CXCL12: variants seen among roughly 807,000 people sequenced by gnomAD.
CXCL12 encodes the protein stromal cell-derived factor 1.
In CXCL12, 4 loss-of-function variants were observed where a neutral mutation model predicts 10.7. The ratio of observed to expected loss-of-function variants is 0.37; its 90% CI spans 0.18 to 0.86. The LOEUF is 0.86. CXCL12 is among the 40% of genes least tolerant of loss of function. The pLI is 0.43. For synonymous variants in CXCL12, 54 were observed against 45.4 expected (o/e 1.19, Z -0.77); for missense variants, 122 against 110.4 (o/e 1.10, Z -0.47).
Position 44,377,375 on chromosome 10 carries a change from C to T in CXCL12, c.*1258G>A, listed in dbSNP as rs1839486250. On this transcript the variant is annotated 3_prime_UTR_variant, in exon 3 of 3. Transcript: ENST00000343575. ...TCGACTATAAATATATTTTGAAATA[C>T]ATTTGTTTTCTAAAGAAACGTAAAA... is the stretch of plus-strand genomic sequence containing the variant. 9.3e-7 allele frequency: 1 copy of T among 1,070,758 alleles called. No homozygotes were observed. Among genetic ancestry groups the T allele is most frequent in the Non-Finnish European group, 1.1e-6 (1 of 882,004 alleles). 66.3% of individuals were successfully genotyped at this position (1,070,758 alleles called of 1,614,324 possible). A position where few individuals can be genotyped will look rare whatever the true frequency, so the allele number is the denominator to read the frequency against.
chr10:44,384,844 G>T, intron 1 of CXCL12, 101 bp downstream of exon 1: 1 of 1,205,728 alleles, frequency 8.3e-7, no homozygotes, highest in Non-Finnish European at 1.1e-6. Flanking sequence ...ACTGTGTCGG[G>T]CGGCGCAAAC....
chr10:44,372,105 T>A (rs990257487), downstream of CXCL12: 3 of 152,250 alleles, frequency 2.0e-5, no homozygotes, highest in Non-Finnish European at 2.9e-5. Flanking sequence ...TGAGGTTAGA[T>A]GTGAATTGGG....
chr10:44,383,619 G>C (rs1351302146), intron 1 of CXCL12, among the ~76,000 whole-genome samples: 3 of 132,218 alleles, frequency 2.3e-5, no homozygotes, highest in Admixed American at 7.3e-5. Flanking sequence ...CGGGGGGGGG[G>C]GGGGGTCAGT....
rs77124818 is a variant in CXCL12 at position 44,377,947 on chromosome 10, G to A, written c.*686C>T. The A allele has an allele frequency of 9.3e-5, 143 of 1,530,402 alleles. No individual in the cohort carries two copies. The highest frequency in any genetic ancestry group is 1.2e-4 in the Non-Finnish European group (135 of 1,146,720). 94.8% of individuals were successfully genotyped at this position (1,530,402 alleles called of 1,614,324 possible). A position where few individuals can be genotyped will look rare whatever the true frequency, so the allele number is the denominator to read the frequency against. On this transcript the variant is annotated 3_prime_UTR_variant, in exon 3 of 3. Coordinates refer to ENST00000343575, the MANE Select transcript of CXCL12 (RefSeq NM_199168.4). ...CAGAAGCAAGATTAAGCATGCTCTC[G>A]GAGTCGGGGAGAGAGTAGGAATAGC... is the stretch of plus-strand genomic sequence containing the variant.
chr10:44,383,772 C>T (rs1839710609), intron 1 of CXCL12, among the ~76,000 whole-genome samples: 1 of 152,208 alleles, frequency 6.6e-6, no homozygotes, highest in Non-Finnish European at 1.5e-5. Context: ...TGGTCCTGCT[C>T]ACACCAGCGC....
chr10:44,380,429 G>A (rs1236511271), intron 2 of CXCL12: 3 of 259,326 alleles, frequency 1.2e-5, no homozygotes, highest in Non-Finnish European at 2.3e-5. Context: ...TTAGCTAAGG[G>A]CTGGCTAATT....
intron 1 of CXCL12, among the ~76,000 whole-genome samples, chr10:44,383,927 A>G (rs17880192): frequency 0.012 from 1,798 of 152,320 alleles, 42 homozygotes; most frequent in African/African-American, 0.04. Context: ...CAGCCAAGGA[A>G]GCTCAGCGGC....
At position 44,378,392 on chromosome 10, in the gene CXCL12, A is replaced by G; in HGVS notation, c.*241T>C. The G allele has an allele frequency of 6.5e-7, 1 of 1,546,346 alleles. No individual in the cohort carries two copies. On this transcript the variant is annotated 3_prime_UTR_variant, in exon 3 of 3. Transcript: ENST00000343575. The stretch of plus-strand genomic sequence containing the variant: ...GAAAAACCCCAGTAATAAAAGTTCC[A>G]ACGTGCACAGGTACAGGGCATGGAT...
At chr10:44,372,763 G>T (rs550119166), downstream of CXCL12, 933 of 1,438,516 alleles carry the variant, frequency 6.5e-4, 2 homozygotes, top group Admixed American at 7.9e-4. Flanking sequence ...TCACACTGCT[G>T]CCTCAGCTCA....
downstream of CXCL12, chr10:44,374,438 T>C (rs992874705): frequency 2.2e-6 from 1 of 455,724 alleles, no homozygotes; most frequent in Non-Finnish European, 4.4e-6. Context: ...ACCCAACAGC[T>C]CTGTGCCTTA....
Position 44,378,713 on chromosome 10 carries a change from T to C in CXCL12, c.190A>G (p.Lys64Glu). 2 of 1,614,226 alleles carry C rather than the reference T, an allele frequency of 1.2e-6. No individual in the cohort carries two copies. Among genetic ancestry groups the C allele is most frequent in the Non-Finnish European group, 8.5e-7 (1 of 1,180,028 alleles). ...NCALQIVARLKNNNRQVCIDP... is the reference protein window; with the variant it reads ...NCALQIVARLENNNRQVCIDP... ...ATGCACACTTGTCTGTTGTTGTTCT[T>C]CAGCCGGGCTCTGTGAAAACAGAAT... is the stretch of plus-strand genomic sequence containing the variant. The change falls in exon 3 of 3, where the codon AAG becomes GAG. Residue 64 changes from lysine to glutamate, a missense_variant. Lys to Glu is a moderately conservative substitution (Grantham distance 56, BLOSUM62 1). Transcript: ENST00000343575.
chr10:44,372,740 C>T, downstream of CXCL12: 1 of 1,434,564 alleles, frequency 7.0e-7, no homozygotes, highest in Non-Finnish European at 9.1e-7. Flanking sequence ...CTGGGTCTCA[C>T]TCTGCCCTGG....
chr10:44,375,227 T>C (rs1207018520), downstream of CXCL12, among the ~76,000 whole-genome samples: 3 of 152,234 alleles, frequency 2.0e-5, no homozygotes, highest in African/African-American at 7.2e-5. Context: ...TTTCCACATC[T>C]GCTCTCTGAG....
chr10:44,384,402 G>T (rs1056842425), intron 1 of CXCL12, among the ~76,000 whole-genome samples: 1 of 152,188 alleles, frequency 6.6e-6, no homozygotes, highest in Non-Finnish European at 1.5e-5. Context: ...GCGAGGGTGT[G>T]GGGAGAGGAT....
chr10:44,374,988 A>C (rs1396655430), downstream of CXCL12, among the ~76,000 whole-genome samples: 1 of 152,184 alleles, frequency 6.6e-6, no homozygotes, highest in African/African-American at 2.4e-5. Flanking sequence ...CCTAGAGCTT[A>C]AGTGGTATTT....
At chr10:44,370,175 T>A (rs1160243328) in exon 4 of CXCL12, 1 of 152,212 alleles carries the variant, frequency 6.6e-6, no homozygotes, top group East Asian at 1.9e-4. Flanking sequence ...TACATTTGAG[T>A]ACAGAACTTT....
chr10:44,382,837 G>C lies in CXCL12; in HGVS notation c.62-1957C>G, dbSNP rs1839672748. 2.0e-5 allele frequency among the ~76,000 whole-genome samples: 3 copies of C among 152,330 alleles called. No homozygotes were observed. The South Asian group carries it at 6.2e-4, about 32-fold the overall frequency. On this transcript the variant is annotated intron_variant, in intron 1 of 2. Transcript: ENST00000343575. ...CAGGTGTGCTTACCAAAAGAACATG[G>C]TCTCGTGTGTACCTCATGTGCTCCT...
At chr10:44,383,654 T>C (rs1260255814) in intron 1 of CXCL12, among the ~76,000 whole-genome samples, 1 of 145,298 alleles carries the variant, frequency 6.9e-6, no homozygotes, top group East Asian at 2.1e-4. Context: ...TCAGGGACTT[T>C]TCATCAACGA....
At chr10:44,373,290 G>T (rs376589683), downstream of CXCL12, 8 of 1,599,210 alleles carry the variant, frequency 5.0e-6, no homozygotes, top group Non-Finnish European at 6.8e-6. Flanking sequence ...TTCAGAGCTG[G>T]GCTCCTACTG....
Sources: gnomAD v4.1 joint callset for allele counts (sites outside exome capture counted in the v4.1 genomes callset) on GRCh38, gnomAD v4.1.1 for gene constraint, MANE v1.5 for transcripts, NCBI Gene and HGNC (gene_info 2026-07-23, HGNC 2026-07-21) for gene names.